Variants in MAP2K4 observed in about 807,000 individuals in gnomAD.
MAP2K4 encodes dual specificity mitogen-activated protein kinase kinase 4.
In MAP2K4, 4 loss-of-function variants were observed where a neutral mutation model predicts 48.5. The observed-to-expected ratio is 0.08, with a 90% confidence interval of 0.04 to 0.19. The LOEUF (loss-of-function observed/expected upper bound fraction) is 0.19, where lower values mean the gene tolerates loss of function less well. Among genes scored for constraint, MAP2K4 ranks in the 10% least tolerant of loss-of-function variants. The probability of loss-of-function intolerance (pLI) is 1.00; values close to 1 mark genes in which losing one functional copy is unlikely to be tolerated. For missense variants in MAP2K4, 258 were observed against 493.3 expected (o/e 0.52, Z 4.52); for synonymous variants, 166 against 173.1 (o/e 0.96, Z 0.32).
chr17:12,033,402 A>G (rs940660771), intron 1 of MAP2K4, among the ~76,000 whole-genome samples: 2 of 152,212 alleles, frequency 1.3e-5, no homozygotes, highest in Admixed American at 6.5e-5. Flanking sequence ...ATGAGAATGC[A>G]TAGTTTCCAC....
At chr17:12,117,006 C>T (rs1171149219) in intron 7 of MAP2K4, among the ~76,000 whole-genome samples, 1 of 152,094 alleles carries the variant, frequency 6.6e-6, no homozygotes, top group Admixed American at 6.5e-5. Flanking sequence ...TTTTCAGCTC[C>T]ATTATAACCT....
At chr17:12,026,607 C>T (rs551301434) in intron 1 of MAP2K4, among the ~76,000 whole-genome samples, 1 of 152,300 alleles carries the variant, frequency 6.6e-6, no homozygotes, top group Non-Finnish European at 1.5e-5. Context: ...TAGGTTTTAA[C>T]CACCTGGGTG....
chr17:12,101,312 G>A (rs1003513227), intron 4 of MAP2K4, among the ~76,000 whole-genome samples: 5 of 151,986 alleles, frequency 3.3e-5, no homozygotes, highest in Non-Finnish European at 5.9e-5. Context: ...TGTCCATACA[G>A]ATGTGTGTCT....
At chr17:12,069,267 G>A (rs1970711764) in intron 2 of MAP2K4, among the ~76,000 whole-genome samples, 1 of 152,172 alleles carries the variant, frequency 6.6e-6, no homozygotes, top group African/African-American at 2.4e-5. Context: ...GGCCTAAACA[G>A]GGAAAGGATC....
chr17:12,125,243 A>G lies in MAP2K4; in HGVS notation c.814-51A>G, dbSNP rs779580086. 3 of 1,382,336 alleles carry G rather than the reference A, an allele frequency of 2.2e-6. No individual in the cohort carries two copies. In the East Asian group the frequency reaches 6.9e-5, roughly 32 times the overall value. The allele number at this position is 1,382,336 out of a possible 1,614,324, so 85.6% of individuals were successfully genotyped here. ...ACCCAGCTGTTGCTTCCATTTGCCT[A>G]TTCCTTGAGTGTAAGGCAATTAATA... On this transcript the variant is annotated intron_variant, in intron 7 of 10. Transcript: ENST00000353533.
At chr17:12,107,470 G>A (rs573809644) in intron 4 of MAP2K4, among the ~76,000 whole-genome samples, 1 of 148,304 alleles carries the variant, frequency 6.7e-6, no homozygotes, top group African/African-American at 2.5e-5. Flanking sequence ...AGTAAGAATG[G>A]TTTTCTACAC....
At chr17:12,048,748 C>T (rs1003925438) in intron 1 of MAP2K4, among the ~76,000 whole-genome samples, 6 of 152,088 alleles carry the variant, frequency 3.9e-5, no homozygotes, top group African/African-American at 1.4e-4. Flanking sequence ...CCTATACCTC[C>T]TGGGTTCAAG....
chr17:12,102,692 G>T (rs1393231205), intron 4 of MAP2K4, among the ~76,000 whole-genome samples: 1 of 152,014 alleles, frequency 6.6e-6, no homozygotes, highest in East Asian at 1.9e-4. Context: ...TGAATATCCA[G>T]CTTCTTTCAA....
intron 3 of MAP2K4, among the ~76,000 whole-genome samples, chr17:12,090,642 C>G (rs1471925740): frequency 6.6e-6 from 1 of 152,160 alleles, no homozygotes; most frequent in Non-Finnish European, 1.5e-5. Flanking sequence ...CGCTTTCCCA[C>G]TATCCCTTCT....
intron 1 of MAP2K4, among the ~76,000 whole-genome samples, chr17:12,033,859 G>A (rs1458757340): frequency 6.6e-6 from 1 of 152,092 alleles, no homozygotes; most frequent in Non-Finnish European, 1.5e-5. Flanking sequence ...TGTTTCCCAA[G>A]TTGGAGCCCA....
At chr17:12,092,445 A>C (rs1971592227) in intron 3 of MAP2K4, among the ~76,000 whole-genome samples, 1 of 152,218 alleles carries the variant, frequency 6.6e-6, no homozygotes, top group African/African-American at 2.4e-5. Context: ...CTTGATTCAA[A>C]TGTAGAAGTC....
intron 2 of MAP2K4, among the ~76,000 whole-genome samples, chr17:12,056,670 G>A (rs923369174): frequency 5.3e-5 from 8 of 152,088 alleles, no homozygotes; most frequent in Middle Eastern, 3.4e-3. Context: ...TTAGGAATAG[G>A]TAACTACTAG....
rs548105330 is a variant in MAP2K4, at chr17:12,070,375, G to A, written c.219-10981G>A. ...CAAGGAGGTTTGCTGCCATCTTAGC[G>A]TACTTACCTAAGTGATGAGAGAATC... is the stretch of plus-strand genomic sequence containing the variant. On this transcript the variant is annotated intron_variant, in intron 2 of 10. Coordinates refer to ENST00000353533, the MANE Select transcript of MAP2K4 (RefSeq NM_003010.4). Among the ~76,000 whole-genome samples the A allele has an allele frequency of 8.5e-5, 13 of 152,220 alleles. No individual in the cohort carries two copies. The East Asian group carries it at 1.6e-3, about 18-fold the overall frequency.
chr17:12,080,581 AT>A (rs1323445401), intron 2 of MAP2K4, among the ~76,000 whole-genome samples: 1 of 152,128 alleles, frequency 6.6e-6, no homozygotes, highest in Admixed American at 6.6e-5. Flanking sequence ...CGAGCCACTC[AT>A]TTTTTATCCC....
intron 1 of MAP2K4, among the ~76,000 whole-genome samples, chr17:12,038,166 C>T (rs7216812): frequency 0.39 from 59,570 of 151,890 alleles, 12,133 homozygotes; most frequent in East Asian, 0.58. Flanking sequence ...TGATATGGAA[C>T]GTTTCCAGAG....
At chr17:12,059,682 T>C (rs534349065) in intron 2 of MAP2K4, among the ~76,000 whole-genome samples, 1 of 152,336 alleles carries the variant, frequency 6.6e-6, no homozygotes. Context: ...CTTTGTTTAT[T>C]ACATTGGAAC....
chr17:12,095,895 TTGTGTGTGTGTGTGTGTG>T (rs71947375), intron 4 of MAP2K4, among the ~76,000 whole-genome samples: 101 of 147,396 alleles, frequency 6.9e-4, no homozygotes, highest in South Asian at 4.4e-3. Flanking sequence ...ACACGTGTGT[TTGTGTGTGTGTGTGTGTG>T]TGTGTGTGTG....
chr17:12,042,723 A>G (rs1969829775), intron 1 of MAP2K4, among the ~76,000 whole-genome samples: 1 of 151,974 alleles, frequency 6.6e-6, no homozygotes, highest in Non-Finnish European at 1.5e-5. Flanking sequence ...CTGAGTTAGG[A>G]TGATGTGGAC....
chr17:12,030,756 C>G (rs1969412434), intron 1 of MAP2K4, among the ~76,000 whole-genome samples: 1 of 151,926 alleles, frequency 6.6e-6, no homozygotes. Flanking sequence ...TTTTGTTCAC[C>G]TCTTCTCTCT....
Sources: allele counts gnomAD v4.1 joint callset (sites outside exome capture counted in the v4.1 genomes callset), GRCh38; gene constraint gnomAD v4.1.1; transcripts MANE v1.5; gene names NCBI Gene and HGNC (gene_info 2026-07-23, HGNC 2026-07-21).